The following RAPH1 variants were observed in gnomAD, a reference collection of about 807,000 sequenced individuals.
RAPH1 encodes ras-associated and pleckstrin homology domains-containing protein 1.
RAPH1 carries 18 observed loss-of-function variants against 88.1 expected under a neutral mutation model. The observed-to-expected ratio is 0.20, with a 90% CI of 0.14 to 0.30. The LOEUF (loss-of-function observed/expected upper bound fraction) is 0.30, where lower values mean the gene tolerates loss of function less well. Among genes scored for constraint, RAPH1 ranks in the 10% least tolerant of loss-of-function variants. RAPH1 has a pLI of 1.00. For missense variants in RAPH1, 1,448 were observed against 1,543.2 expected (o/e 0.94, Z 1.03); for synonymous variants, 587 against 559.0 (o/e 1.05, Z -0.71).
intron 4 of RAPH1, among the ~76,000 whole-genome samples, chr2:203,470,970 C>T (rs1039162922): frequency 3.9e-5 from 6 of 152,156 alleles, no homozygotes; most frequent in Non-Finnish European, 5.9e-5. Flanking sequence ...TCAGAAGTGT[C>T]ACACACTTAA....
intron 1 of RAPH1, among the ~76,000 whole-genome samples, chr2:203,504,553 G>A (rs975895520): frequency 6.6e-6 from 1 of 152,214 alleles, no homozygotes; most frequent in African/African-American, 2.4e-5. Context: ...CCTGTGATGG[G>A]AGGGGGCTGA....
At chr2:203,464,499 GA>G (rs1430417573) in intron 4 of RAPH1, among the ~76,000 whole-genome samples, 2 of 152,188 alleles carry the variant, frequency 1.3e-5, no homozygotes, top group African/African-American at 2.4e-5. Flanking sequence ...TCAAACTCCT[GA>G]CCTCAGGTGA....
At chr2:203,482,431 C>G (rs1175211073) in intron 4 of RAPH1, among the ~76,000 whole-genome samples, 1 of 152,220 alleles carries the variant, frequency 6.6e-6, no homozygotes, top group Admixed American at 6.5e-5. Flanking sequence ...GGTGATCCGC[C>G]TGCCTTGGCC....
chr2:203,503,263 C>T (rs956032812), intron 1 of RAPH1, among the ~76,000 whole-genome samples: 10 of 152,124 alleles, frequency 6.6e-5, no homozygotes, highest in African/African-American at 2.4e-4. Flanking sequence ...TATTAAACCG[C>T]AAACAGGAAC....
chr2:203,533,570 T>C (rs1690482139), intron 1 of RAPH1: 1 of 152,112 alleles, frequency 6.6e-6, no homozygotes, highest in African/African-American at 2.4e-5. Flanking sequence ...CTGAATCTGC[T>C]GAAATCCTAC....
At chr2:203,522,700 G>A (rs747401987) in intron 1 of RAPH1, among the ~76,000 whole-genome samples, 24 of 151,838 alleles carry the variant, frequency 1.6e-4, no homozygotes, top group Admixed American at 2.6e-4. Flanking sequence ...TCAGGAGTTC[G>A]AGACCAGCCT....
intron 4 of RAPH1, among the ~76,000 whole-genome samples, chr2:203,462,745 A>G (rs913373044): frequency 6.6e-6 from 1 of 152,212 alleles, no homozygotes; most frequent in Non-Finnish European, 1.5e-5. Context: ...GAATTAGCAT[A>G]TAGTACTCTA....
chr2:203,477,745 T>C (rs568357721), intron 4 of RAPH1, among the ~76,000 whole-genome samples: 2 of 152,298 alleles, frequency 1.3e-5, no homozygotes, highest in Admixed American at 6.5e-5. Context: ...CTAGATCCCA[T>C]TCATTTCCCC....
intron 4 of RAPH1, among the ~76,000 whole-genome samples, chr2:203,480,451 G>C (rs1687673759): frequency 1.3e-5 from 2 of 152,208 alleles, no homozygotes; most frequent in Non-Finnish European, 2.9e-5. Context: ...GGGAGGCTGA[G>C]ACACGAGAAT....
chr2:203,524,564 C>A (rs763574472), intron 1 of RAPH1, among the ~76,000 whole-genome samples: 2 of 152,000 alleles, frequency 1.3e-5, no homozygotes, highest in Non-Finnish European at 2.9e-5. Context: ...GCAACAAGAT[C>A]GAAGAATCTA....
chr2:203,460,069 T>C, intron 6 of RAPH1, 41 bp from the exon 7 acceptor site: 1 of 1,553,850 alleles, frequency 6.4e-7, no homozygotes, highest in South Asian at 1.2e-5. Flanking sequence ...TAGTATTCAT[T>C]AGAGTTGCAT....
chr2:203,469,190 G>A (rs2153645583), intron 4 of RAPH1, among the ~76,000 whole-genome samples: 1 of 152,244 alleles, frequency 6.6e-6, no homozygotes, highest in East Asian at 1.9e-4. Flanking sequence ...TGGACTCTAG[G>A]GAAAGAGTAA....
chr2:203,501,895 C>A (rs1688755151), intron 1 of RAPH1, among the ~76,000 whole-genome samples: 1 of 150,600 alleles, frequency 6.6e-6, no homozygotes, highest in South Asian at 2.1e-4. Flanking sequence ...TGTGGGAGAA[C>A]AGGGCTCCCT....
chr2:203,454,634 C>G, intron 9 of RAPH1, 94 bp from the exon 10 acceptor site: 4 of 812,686 alleles, frequency 4.9e-6, no homozygotes, highest in Non-Finnish European at 7.9e-6. Flanking sequence ...ATCAAAACTA[C>G]TTTTGCTAAT....
At position 203,438,307 on chromosome 2, in the gene RAPH1, C is replaced by T; in HGVS notation, c.*1130G>A. ...CAGATTAATGACACCTGTACAGGGG[C>T]CAGTTCTGTTCTCTCATCACCCTTC... is the stretch of plus-strand genomic sequence containing the variant. On this transcript the variant is annotated 3_prime_UTR_variant, in exon 14 of 14. Transcript: ENST00000319170. The T allele has an allele frequency of 2.4e-6, 1 of 409,294 alleles. No homozygotes were observed. Among genetic ancestry groups the T allele is most frequent in the South Asian group, 1.8e-5 (1 of 55,192 alleles). The allele number at this position is 409,294 out of a possible 1,614,324, so 25.4% of individuals were successfully genotyped here.
intron 1 of RAPH1, among the ~76,000 whole-genome samples, chr2:203,513,359 T>A (rs1295291480): frequency 7.1e-6 from 1 of 140,262 alleles, no homozygotes; most frequent in Non-Finnish European, 1.5e-5. Flanking sequence ...ATCTTTTTTT[T>A]TTTTTTTTTT....
At chr2:203,515,446 C>T (rs972245909) in intron 1 of RAPH1, among the ~76,000 whole-genome samples, 1 of 152,198 alleles carries the variant, frequency 6.6e-6, no homozygotes, top group African/African-American at 2.4e-5. Context: ...AAAAGGTTCA[C>T]ATGAATGGCC....
intron 1 of RAPH1, among the ~76,000 whole-genome samples, chr2:203,522,107 C>A (rs554273739): frequency 4.7e-4 from 71 of 152,182 alleles, no homozygotes; most frequent in African/African-American, 1.6e-3. Flanking sequence ...ATATTAATAT[C>A]CAAAACCATA....
rs762244051 is a variant in RAPH1, at chr2:203,441,915, G to A, written c.1777-502C>T. ...GAATGAGGATGGCTTTTTGATGCTA[G>A]TAAGCTGACACAGGAGAGTATGAGA... On this transcript the variant is annotated intron_variant, in intron 13 of 13. Coordinates refer to ENST00000319170, the MANE Select transcript of RAPH1 (RefSeq NM_213589.3). 505 of 1,353,704 alleles carry A rather than the reference G, an allele frequency of 3.7e-4. 1 individual carries two copies. The highest frequency in any genetic ancestry group is 4.5e-4 in the Non-Finnish European group (476 of 1,050,200). The allele number at this position is 1,353,704 out of a possible 1,614,324, so 83.9% of individuals were successfully genotyped here. A position where few individuals can be genotyped will look rare whatever the true frequency, so the allele number is the denominator to read the frequency against.
Sources: allele counts gnomAD v4.1 joint callset (sites outside exome capture counted in the v4.1 genomes callset), GRCh38; gene constraint gnomAD v4.1.1; transcripts MANE v1.5; gene names NCBI Gene and HGNC (gene_info 2026-07-23, HGNC 2026-07-21).